RUNX1: variants seen among roughly 807,000 people sequenced by gnomAD.
RUNX1 encodes the protein RUNX family transcription factor 1.
RUNX1 carries 19 observed loss-of-function variants against 42.8 expected under a neutral mutation model. The observed-to-expected ratio is 0.44, with a 90% CI of 0.31 to 0.65. The LOEUF is 0.65. Among genes scored for constraint, RUNX1 ranks in the 30% least tolerant of loss-of-function variants. RUNX1 has a pLI of 0.07. For synonymous variants in RUNX1, 271 were observed against 289.4 expected (o/e 0.94, Z 0.64); for missense variants, 528 against 672.0 (o/e 0.79, Z 2.37).
intron 7 of RUNX1, among the ~76,000 whole-genome samples, chr21:34,831,173 G>A (rs1356652207): frequency 6.6e-6 from 1 of 152,084 alleles, no homozygotes; most frequent in Admixed American, 6.5e-5. Context: ...GTCCTGACTG[G>A]GAGAAACGTG....
intron 2 of RUNX1, among the ~76,000 whole-genome samples, chr21:34,934,957 A>AT (rs1462774780): frequency 6.6e-6 from 1 of 151,388 alleles, no homozygotes; most frequent in African/African-American, 2.4e-5. Flanking sequence ...CCCCATATTC[A>AT]TTTTCCCTCT....
chr21:34,963,980 G>C (rs1237823696), intron 2 of RUNX1, among the ~76,000 whole-genome samples: 1 of 152,204 alleles, frequency 6.6e-6, no homozygotes, highest in Non-Finnish European at 1.5e-5. Context: ...ATGGAAGATT[G>C]GGATGGCATT....
Position 35,002,406 on chromosome 21 carries a change from A to G in RUNX1, c.58+46436T>C, listed in dbSNP as rs1241870141. On this transcript the variant is annotated intron_variant, in intron 2 of 8. Coordinates refer to ENST00000675419, the MANE Select transcript of RUNX1 (RefSeq NM_001754.5). ...ATTTTATTTATTTATTTATTTATTT[A>G]TTTATTTATTTATTTATTTATTATT... Among the ~76,000 whole-genome samples, 3 of 148,314 alleles carry G rather than the reference A, an allele frequency of 2.0e-5. No individual in the cohort carries two copies. In the East Asian group the frequency reaches 5.9e-4, roughly 29 times the overall value.
rs2056414851 is a variant in RUNX1, at chr21:34,789,968, GGCTAATGGTGCTTTTCAGAAAT to G, written c.*2145_*2166del. The G allele has an allele frequency of 4.3e-6, 1 of 232,980 alleles. No individual in the cohort carries two copies. The highest frequency in any genetic ancestry group is 5.6e-5 in the Admixed American group (1 of 17,768). 14.4% of individuals were successfully genotyped at this position (232,980 alleles called of 1,614,324 possible). On this transcript the variant is annotated 3_prime_UTR_variant, in exon 9 of 9. Transcript: ENST00000675419. ...ATTTACGTTTAATTTGGGGGAAATG[GGCTAATGGTGCTTTTCAGAAAT>G]TAAATTTTTACATTTGCTGACATTT...
At chr21:34,994,156 T>C (rs2058975042) in intron 2 of RUNX1, among the ~76,000 whole-genome samples, 1 of 152,084 alleles carries the variant, frequency 6.6e-6, no homozygotes, top group Admixed American at 6.6e-5. Context: ...TGACAACCAT[T>C]GGATCATTTA....
At chr21:34,958,573 GA>G (rs1358485059) in intron 2 of RUNX1, among the ~76,000 whole-genome samples, 1 of 152,162 alleles carries the variant, frequency 6.6e-6, no homozygotes, top group Non-Finnish European at 1.5e-5. Flanking sequence ...AGGATGTGGA[GA>G]AATAGGAACA....
In RUNX1 at chr21:34,791,947, C is replaced by A. The variant is rs946082003; in HGVS notation, c.*188G>T. ...CGCCAGCAGACGGCGGCGGCGTGGG[C>A]TTCTGGGCGCAGGAGGCTGCGCGGG... On this transcript the variant is annotated 3_prime_UTR_variant, in exon 9 of 9. Transcript: ENST00000675419. 4 of 373,738 alleles carry A rather than the reference C, an allele frequency of 1.1e-5. No homozygotes were observed. The highest frequency in any genetic ancestry group is 7.8e-4 in the Middle Eastern group (1 of 1,286). 23.2% of individuals were successfully genotyped at this position (373,738 alleles called of 1,614,324 possible). A position where few individuals can be genotyped will look rare whatever the true frequency, so the allele number is the denominator to read the frequency against.
At chr21:34,982,500 A>G (rs2146795344) in intron 2 of RUNX1, among the ~76,000 whole-genome samples, 1 of 111,592 alleles carries the variant, frequency 9.0e-6, no homozygotes, top group South Asian at 3.3e-4. Flanking sequence ...TAGCATACCT[A>G]GTTGTCAATT....
chr21:34,892,860 A>T (rs971508027), intron 3 of RUNX1, 65 bp downstream of exon 3: 1 of 946,486 alleles, frequency 1.1e-6, no homozygotes, highest in Non-Finnish European at 1.7e-6. Flanking sequence ...CATAGATATA[A>T]AATCATATAC....
chr21:35,018,166 C>T (rs2059173109), intron 2 of RUNX1, among the ~76,000 whole-genome samples: 3 of 152,190 alleles, frequency 2.0e-5, no homozygotes, highest in Admixed American at 2.0e-4. Context: ...GCTGGGACTA[C>T]AGGCACATGC....
chr21:34,950,877 T>C (rs2058602067), intron 2 of RUNX1, among the ~76,000 whole-genome samples: 1 of 152,162 alleles, frequency 6.6e-6, no homozygotes, highest in African/African-American at 2.4e-5. Context: ...ACTTCCAGCG[T>C]GGTTTAGGGG....
chr21:34,801,644 G>A (rs1007786042), intron 7 of RUNX1, among the ~76,000 whole-genome samples: 1 of 152,148 alleles, frequency 6.6e-6, no homozygotes, highest in African/African-American at 2.4e-5. Context: ...CCCCACATCA[G>A]TTTTCTTTCA....
intron 2 of RUNX1, among the ~76,000 whole-genome samples, chr21:35,037,129 G>C (rs1273490649): frequency 6.6e-6 from 1 of 152,184 alleles, no homozygotes; most frequent in Non-Finnish European, 1.5e-5. Context: ...GTTTGTCACA[G>C]GAAGTGCCTC....
chr21:34,888,634 G>T (rs1017430435), intron 3 of RUNX1: 3 of 1,054,248 alleles, frequency 2.8e-6, no homozygotes, highest in Non-Finnish European at 3.4e-6. Context: ...GCAGCGTGGT[G>T]CCCTGGCTGG....
intron 3 of RUNX1, chr21:34,887,915 G>C (rs1331091243): frequency 8.4e-6 from 9 of 1,065,360 alleles, no homozygotes; most frequent in African/African-American, 1.6e-5. Context: ...AGAAAATTCA[G>C]CGTTTCAGAG....
intron 2 of RUNX1, among the ~76,000 whole-genome samples, chr21:34,902,987 C>T (rs2058189314): frequency 6.6e-6 from 1 of 152,110 alleles, no homozygotes; most frequent in African/African-American, 2.4e-5. Context: ...AAGGACTTTC[C>T]CATTTCACAT....
intron 4 of RUNX1, among the ~76,000 whole-genome samples, chr21:34,881,104 G>C (rs2057898396): frequency 6.6e-6 from 1 of 152,120 alleles, no homozygotes; most frequent in Non-Finnish European, 1.5e-5. Context: ...AAGATATCAA[G>C]GATTTTGAGT....
At chr21:34,889,352 C>T (rs1333157849) in intron 3 of RUNX1, among the ~76,000 whole-genome samples, 1 of 152,160 alleles carries the variant, frequency 6.6e-6, no homozygotes, top group Non-Finnish European at 1.5e-5. Context: ...CGTTTGCTCT[C>T]AGCGTCTTCC....
intron 2 of RUNX1, among the ~76,000 whole-genome samples, chr21:34,925,165 C>T (rs1230213413): frequency 6.6e-6 from 1 of 152,154 alleles, no homozygotes; most frequent in East Asian, 1.9e-4. Context: ...TCCTTTAGAA[C>T]AGTTGTATGA....
Sources: allele counts gnomAD v4.1 joint callset (sites outside exome capture counted in the v4.1 genomes callset), GRCh38; gene constraint gnomAD v4.1.1; transcripts MANE v1.5; gene names NCBI Gene and HGNC (gene_info 2026-07-23, HGNC 2026-07-21).